Variants in MFHAS1 observed in about 807,000 individuals in gnomAD.
MFHAS1 encodes multifunctional ROCO family signaling regulator 1.
Under a neutral mutation model 70.4 loss-of-function variants are expected in MFHAS1, and 50 were observed. The observed-to-expected ratio is 0.71, with a 90% CI of 0.57 to 0.90. MFHAS1 has a LOEUF of 0.90. MFHAS1 is among the 40% of genes least tolerant of loss of function. The pLI, the probability that MFHAS1 is intolerant of heterozygous loss-of-function variation, is 0.00. For synonymous variants in MFHAS1, 952 were observed against 620.0 expected, an observed-to-expected ratio of 1.54 and a Z score of -7.96; for missense variants, 1,795 against 1,347.6, an observed-to-expected ratio of 1.33 and a Z score of -5.20.
intron 1 of MFHAS1, among the ~76,000 whole-genome samples, chr8:8,836,991 T>C (rs1371991758): frequency 1.3e-5 from 2 of 152,234 alleles, no homozygotes; most frequent in South Asian, 2.1e-4. Context: ...CATAGTTTCA[T>C]GCAAAAGAGA....
chr8:8,874,911 A>G (rs1809231156), intron 1 of MFHAS1, among the ~76,000 whole-genome samples: 1 of 152,068 alleles, frequency 6.6e-6, no homozygotes, highest in African/African-American at 2.4e-5. Context: ...TGATTAAAAA[A>G]AAAAAAAGAA....
intron 1 of MFHAS1, among the ~76,000 whole-genome samples, chr8:8,816,262 A>G (rs965782425): frequency 1.5e-4 from 23 of 152,204 alleles, no homozygotes; most frequent in Non-Finnish European, 4.4e-5. Flanking sequence ...ATCAAAATCT[A>G]TCAAATTGGA....
At chr8:8,808,261 C>T (rs548058557) in intron 1 of MFHAS1, among the ~76,000 whole-genome samples, 34 of 151,432 alleles carry the variant, frequency 2.2e-4, no homozygotes, top group East Asian at 9.8e-4. Flanking sequence ...ACACTGTAGA[C>T]GCTCCCCTGG....
chr8:8,806,796 A>C (rs949782838), intron 1 of MFHAS1, among the ~76,000 whole-genome samples: 4 of 152,018 alleles, frequency 2.6e-5, no homozygotes, highest in African/African-American at 9.7e-5. Context: ...CCCCATCTCT[A>C]CTAAACATAC....
rs2271340 is a variant in MFHAS1 at position 8,786,072 on chromosome 8, C to A, written c.3126-17G>T. On this transcript the variant is annotated splice_polypyrimidine_tract_variant and intron_variant, in intron 2 of 2. Transcript: ENST00000276282. Reference sequence around the variant, plus strand: ...ACATTCTTCCTGTATGGGTGGACAACAAGAAAGCACAGAGATGACAAAAAC... The same window carrying A: ...ACATTCTTCCTGTATGGGTGGACAAAAAGAAAGCACAGAGATGACAAAAAC... 1.2e-6 allele frequency: 2 copies of A among 1,613,306 alleles called. No homozygotes were observed. The highest frequency in any genetic ancestry group is 1.7e-6 in the Non-Finnish European group (2 of 1,179,374).
rs746882130 is a variant in MFHAS1, at chr8:8,890,194, T to G, written c.2865A>C (p.Ala955=). Residue 955 remains alanine, a synonymous_variant, in exon 1 of 3, where the codon GCA becomes GCC. Transcript: ENST00000276282. The part of the protein sequence containing the change: ...SHASLPNIWT[A]WQAITPLVEE... ...CCACCAAGGGGGTTATGGCTTGCCA[T>G]GCGGTCCATATATTTGGTAATGATG... 4 of 1,614,082 alleles carry G rather than the reference T, an allele frequency of 2.5e-6. No individual in the cohort carries two copies. In the African/African-American group the frequency reaches 4.0e-5, roughly 16 times the overall value.
At chr8:8,842,905 G>A (rs1383319862) in intron 1 of MFHAS1, among the ~76,000 whole-genome samples, 1 of 152,190 alleles carries the variant, frequency 6.6e-6, no homozygotes, top group Admixed American at 6.5e-5. Flanking sequence ...TTTGCAATCT[G>A]CATTTACAAA....
At chr8:8,882,703 G>A (rs1809575101) in intron 1 of MFHAS1, among the ~76,000 whole-genome samples, 1 of 152,232 alleles carries the variant, frequency 6.6e-6, no homozygotes, top group Non-Finnish European at 1.5e-5. Flanking sequence ...TCTGCCCTGT[G>A]CCAGGCATTG....
intron 1 of MFHAS1, among the ~76,000 whole-genome samples, chr8:8,888,531 CACACACACAA>C (rs1487834692): frequency 6.6e-6 from 1 of 152,076 alleles, no homozygotes; most frequent in Non-Finnish European, 1.5e-5. Context: ...CACACACACA[CACACACACAA>C]AAACAGTTGT....
Position 8,866,379 on chromosome 8 carries a change from C to T in MFHAS1, c.2998+23682G>A, listed in dbSNP as rs140393820. On this transcript the variant is annotated intron_variant, in intron 1 of 2. Coordinates refer to ENST00000276282, the MANE Select transcript of MFHAS1 (RefSeq NM_004225.3). The stretch of plus-strand genomic sequence containing the variant: ...TGTCCTCTAGGCTGGAGTACGGTGG[C>T]GTAATCTCAGCTCACCGTAGCCTCT... Among the ~76,000 whole-genome samples the T allele has an allele frequency of 4.8e-3, 724 of 150,654 alleles. 5 individuals carry two copies. Among genetic ancestry groups the T allele is most frequent in the African/African-American group, 0.017 (702 of 40,970 alleles).
At chr8:8,875,748 G>A (rs768627168) in intron 1 of MFHAS1, among the ~76,000 whole-genome samples, 3 of 151,988 alleles carry the variant, frequency 2.0e-5, no homozygotes, top group Non-Finnish European at 4.4e-5. Context: ...GTGCCACCAC[G>A]CTCAGCTAAT....
chr8:8,792,659 G>A (rs1006987660), intron 2 of MFHAS1, among the ~76,000 whole-genome samples: 1 of 152,096 alleles, frequency 6.6e-6, no homozygotes, highest in Non-Finnish European at 1.5e-5. Flanking sequence ...GCATGAACTA[G>A]GTGTTGGATA....
At chr8:8,839,253 T>C (rs774221322) in intron 1 of MFHAS1, among the ~76,000 whole-genome samples, 9 of 152,226 alleles carry the variant, frequency 5.9e-5, no homozygotes, top group Non-Finnish European at 1.0e-4. Context: ...ATAAAGTTTT[T>C]TTTTCTTCTC....
intron 1 of MFHAS1, among the ~76,000 whole-genome samples, chr8:8,888,626 C>G (rs1027794921): frequency 1.3e-5 from 2 of 151,856 alleles, no homozygotes; most frequent in African/African-American, 2.4e-5. Context: ...TAACCAGGCT[C>G]AAAAGAAAAA....
intron 1 of MFHAS1, among the ~76,000 whole-genome samples, chr8:8,837,584 A>C (rs1159016763): frequency 6.6e-6 from 1 of 152,088 alleles, no homozygotes; most frequent in Non-Finnish European, 1.5e-5. Context: ...CGGAGGTTGC[A>C]GTGAGCCAAG....
intron 2 of MFHAS1, among the ~76,000 whole-genome samples, chr8:8,786,384 C>T (rs1177839327): frequency 6.6e-6 from 1 of 152,200 alleles, no homozygotes; most frequent in Non-Finnish European, 1.5e-5. Context: ...ACCCAAAACT[C>T]TAAACACGGA....
intron 2 of MFHAS1, among the ~76,000 whole-genome samples, chr8:8,786,703 G>GT (rs56344671): frequency 0.47 from 69,262 of 147,590 alleles, 17,179 homozygotes; most frequent in East Asian, 0.84. Flanking sequence ...TTTGAAAGTG[G>GT]TTTTTTTTTT....
At chr8:8,862,007 C>G (rs550199288) in intron 1 of MFHAS1, among the ~76,000 whole-genome samples, 38 of 152,170 alleles carry the variant, frequency 2.5e-4, no homozygotes, top group Non-Finnish European at 4.1e-4. Flanking sequence ...ATTTGTGTAT[C>G]TTTTTAAAAT....
chr8:8,856,491 C>T (rs529922626), intron 1 of MFHAS1, among the ~76,000 whole-genome samples: 4 of 152,128 alleles, frequency 2.6e-5, no homozygotes, highest in Admixed American at 6.5e-5. Context: ...AAAAAGAGGG[C>T]CTGACAATTG....
Sources: allele counts gnomAD v4.1 joint callset (sites outside exome capture counted in the v4.1 genomes callset), GRCh38; gene constraint gnomAD v4.1.1; transcripts MANE v1.5; gene names NCBI Gene and HGNC (gene_info 2026-07-23, HGNC 2026-07-21).